QRICH2: variants seen among roughly 807,000 people sequenced by gnomAD.
QRICH2 encodes the protein glutamine rich 2, also known as glutamine-rich protein 2.
QRICH2 carries 119 observed loss-of-function variants against 168.3 expected under a neutral mutation model. That is an observed-to-expected ratio of 0.71 (90% CI 0.61 to 0.82). The LOEUF is 0.82. QRICH2 is among the 40% of genes least tolerant of loss of function. The pLI is 0.00. For synonymous variants in QRICH2, 894 were observed against 951.2 expected, an observed-to-expected ratio of 0.94 and a Z score of 1.11; for missense variants, 2,241 against 2,491.6, an observed-to-expected ratio of 0.90 and a Z score of 2.14.
At chr17:76,279,303 T>G (rs916847456) in intron 13 of QRICH2, 60 bp downstream of exon 13, 1 of 1,452,692 alleles carries the variant, frequency 6.9e-7, no homozygotes, top group Non-Finnish European at 9.6e-7. Context: ...TGGACACAGG[T>G]GAAGGGAGGA....
chr17:76,279,230 G>A (rs997786152), intron 13 of QRICH2, 88 bp from the exon 14 acceptor site: 19 of 1,346,882 alleles, frequency 1.4e-5, no homozygotes, highest in South Asian at 7.6e-5. Context: ...CTTCCCACCC[G>A]CCCCCGGCCT....
At position 76,280,348 on chromosome 17, in the gene QRICH2, C is replaced by G; in HGVS notation, c.4565G>C (p.Ser1522Thr). The G allele has an allele frequency of 6.2e-7, 1 of 1,614,224 alleles. No homozygotes were observed. The highest frequency in any genetic ancestry group is 2.2e-5 in the East Asian group (1 of 44,884). ...HMMQELVAKM[S>T]GQEQDWQKML... ...CTTCTGCCAGTCCTGCTCCTGCCCG[C>G]TCATCTTGGCCACCAGCTCCTGCAT... Residue 1522 changes from serine to threonine, a missense_variant, in exon 11 of 19, where the codon AGC becomes ACC. By Grantham distance (58) the Ser-to-Thr change is moderately conservative (BLOSUM62 1). Around this residue, in one of 3 missense-constraint regions of QRICH2, gnomAD observed 2,047 missense variants for 2,303.8 expected, o/e 0.89. Coordinates refer to ENST00000680821, the MANE Select transcript of QRICH2 (RefSeq NM_001388453.1). The surrounding 1 kb of genome is among the most constrained non-coding windows in gnomAD (Gnocchi z 7.4).
rs2070919882 is a variant in QRICH2 at position 76,287,906 on chromosome 17, C to T, written c.3799-9G>A. 1 of 1,611,188 alleles carries T rather than the reference C, an allele frequency of 6.2e-7. No homozygotes were observed. The highest frequency in any genetic ancestry group is 1.7e-5 in the Admixed American group (1 of 60,000). On this transcript the variant is annotated splice_polypyrimidine_tract_variant and intron_variant, in intron 5 of 18. Transcript: ENST00000680821. ...CTCTGCAGCCTTTCCACCTACAAAC[C>T]CAGTGAATGAGGAGGGTCAGGCAGG...
Position 76,291,261 on chromosome 17 carries a change from T to A in QRICH2, c.3466A>T (p.Arg1156Trp). 6.2e-7 allele frequency: 1 copy of A among 1,614,220 alleles called. No homozygotes were observed. The highest frequency in any genetic ancestry group is 1.3e-5 in the African/African-American group (1 of 75,058). ...ACTCGGTCGACGGAGTCTGGACTCC[T>A]GAAAAGAGTGACATCTTGGCCTGGG... ...KAPGQDVTLFRSPDSVDRVLS... is the reference protein window; with the variant it reads ...KAPGQDVTLFWSPDSVDRVLS... The change falls in exon 4 of 19, where the codon AGG becomes TGG. Residue 1156 changes from arginine to tryptophan, a missense_variant. Arg to Trp is a moderately radical substitution (Grantham distance 101). This residue lies in a region of QRICH2 where 2,047 missense variants were observed against 2,303.8 expected (regional missense o/e 0.89). Coordinates refer to ENST00000680821, the MANE Select transcript of QRICH2 (RefSeq NM_001388453.1).
In QRICH2 at chr17:76,292,918, A is replaced by G. The variant is rs773528999; in HGVS notation, c.1809T>C (p.Pro603=). 1 of 1,612,066 alleles carries G rather than the reference A, an allele frequency of 6.2e-7. No homozygotes were observed. Among genetic ancestry groups the G allele is most frequent in the South Asian group, 1.1e-5 (1 of 91,044 alleles). The change falls in exon 4 of 19, where the codon CCT becomes CCC. Residue 603 remains proline (P), a synonymous_variant. Coordinates refer to ENST00000680821, the MANE Select transcript of QRICH2 (RefSeq NM_001388453.1). ...PGADQRGLVR[P]GMDQSGLAQP... ...GGGCCAAACCAGACTGATCCATTCCAGGCCGGACCAAACCACGCTGATCTG... is the reference window on the plus strand; with the variant it reads ...GGGCCAAACCAGACTGATCCATTCCGGGCCGGACCAAACCACGCTGATCTG...
At chr17:76,302,656 C>A (rs1486992745) in intron 3 of QRICH2, among the ~76,000 whole-genome samples, 5 of 152,144 alleles carry the variant, frequency 3.3e-5, no homozygotes, top group Admixed American at 3.3e-4. Flanking sequence ...ATTCTCCCCC[C>A]AGAGCTGCCA....
intron 15 of QRICH2, 127 bp downstream of exon 15, chr17:76,277,858 TTCTC>T (rs1000334016): frequency 1.4e-4 from 136 of 979,672 alleles, no homozygotes; most frequent in South Asian, 9.4e-4. Context: ...CGCCCACACT[TTCTC>T]TCACACACAC....
At chr17:76,295,997 G>C (rs2070787244) in intron 3 of QRICH2, among the ~76,000 whole-genome samples, 1 of 152,112 alleles carries the variant, frequency 6.6e-6, no homozygotes, top group Non-Finnish European at 1.5e-5. Context: ...GTCCGATGTG[G>C]GTGGATCATG....
intron 17 of QRICH2, 139 bp downstream of exon 17, chr17:76,276,541 A>G: frequency 1.6e-6 from 1 of 629,654 alleles, no homozygotes; most frequent in Non-Finnish European, 2.8e-6. Context: ...TTTTCGAGAG[A>G]CCTGCACATT....
At chr17:76,295,275 A>C (rs2070777894) in intron 3 of QRICH2, among the ~76,000 whole-genome samples, 1 of 151,874 alleles carries the variant, frequency 6.6e-6, no homozygotes, top group African/African-American at 2.4e-5. Flanking sequence ...TAAATAAATA[A>C]AATAAAATAA....
chr17:76,308,039 C>A lies in QRICH2; in HGVS notation c.-41G>T. 1 of 1,231,466 alleles carries A rather than the reference C, an allele frequency of 8.1e-7. No individual in the cohort carries two copies. The highest frequency in any genetic ancestry group is 4.1e-5 in the South Asian group (1 of 24,366). 76.3% of individuals were successfully genotyped at this position (1,231,466 alleles called of 1,614,324 possible). ...CTGTGCGCCGCCGCGGGGCGCCGGC[C>A]AACCACTTCCCGCTCACTGCACGCC... On this transcript the variant is annotated 5_prime_UTR_variant, in exon 1 of 19. Coordinates refer to ENST00000680821, the MANE Select transcript of QRICH2 (RefSeq NM_001388453.1).
intron 6 of QRICH2, among the ~76,000 whole-genome samples, chr17:76,287,554 G>A (rs867732842): frequency 9.9e-5 from 15 of 152,124 alleles, no homozygotes; most frequent in Admixed American, 3.9e-4. Flanking sequence ...TTCAGCCTCC[G>A]ACTGGGGACA....
At chr17:76,282,201 G>A (rs2070802673) in intron 7 of QRICH2, 86 bp from the exon 8 acceptor site, 7 of 1,478,504 alleles carry the variant, frequency 4.7e-6, no homozygotes, top group African/African-American at 2.8e-5. Context: ...CCTAGCCTGT[G>A]TGCCTCTCCC....
intron 3 of QRICH2, among the ~76,000 whole-genome samples, chr17:76,303,270 T>C (rs2070934583): frequency 6.6e-6 from 1 of 152,108 alleles, no homozygotes; most frequent in Non-Finnish European, 1.5e-5. Context: ...AGGTTGTTTT[T>C]TGTACCCAGA....
At position 76,307,564 on chromosome 17, in the gene QRICH2, T is replaced by C. The variant is rs1282674327; in HGVS notation, c.435A>G (p.Leu145=). Residue 145 remains leucine (L), a synonymous_variant, in exon 1 of 19, where the codon CTA becomes CTG. Coordinates refer to ENST00000680821, the MANE Select transcript of QRICH2 (RefSeq NM_001388453.1). The surrounding 1 kb of genome is among the most constrained non-coding windows in gnomAD (Gnocchi z 5.3). The stretch of plus-strand genomic sequence containing the variant: ...CCACCTCCTGCTCCTCCGGCCACTC[T>C]AGCGCGGCCAGGTCAAGCCCGCTGG... The part of the protein sequence containing the change: ...SQASGLDLAA[L]EWPEEQEVGV... The C allele has an allele frequency of 1.3e-6, 2 of 1,580,046 alleles. No homozygotes were observed. Among genetic ancestry groups the C allele is most frequent in the Non-Finnish European group, 1.7e-6 (2 of 1,162,940 alleles).
chr17:76,285,045 C>T (rs1401229645), intron 7 of QRICH2, among the ~76,000 whole-genome samples: 1 of 151,510 alleles, frequency 6.6e-6, no homozygotes, highest in African/African-American at 2.4e-5. Flanking sequence ...ACCTCCGCCT[C>T]CCAGGTTCAA....
intron 18 of QRICH2, among the ~76,000 whole-genome samples, chr17:76,275,477 C>T (rs1011085312): frequency 6.6e-6 from 1 of 152,216 alleles, no homozygotes; most frequent in African/African-American, 2.4e-5. Flanking sequence ...CCGGGCATGG[C>T]CTGTGCCCAG....
Position 76,304,403 on chromosome 17 carries a change from C to T in QRICH2, c.705+12G>A. On this transcript the variant is annotated intron_variant, in intron 3 of 18. Coordinates refer to ENST00000680821, the MANE Select transcript of QRICH2 (RefSeq NM_001388453.1). ...CCACCCAAGACCACGGCCCAGGCCCCCACTGGTTCACCGCTTGTGAGGCTC... is the reference window on the plus strand; with the variant it reads ...CCACCCAAGACCACGGCCCAGGCCCTCACTGGTTCACCGCTTGTGAGGCTC... 6.3e-6 allele frequency: 10 copies of T among 1,593,202 alleles called. No homozygotes were observed. The highest frequency in any genetic ancestry group is 2.2e-5 in the South Asian group (2 of 90,332).
chr17:76,291,024 C>T lies in QRICH2; in HGVS notation c.3703G>A (p.Ala1235Thr), dbSNP rs1314959077. ...TDLEKIQFLL[A>T]QMVKRTIPPE... ...GGCAAGCGGCACCCACCCATCTGTG[C>T]CAGCAGGAACTGGATCTTCTCCAAG... Residue 1235 changes from alanine to threonine, a missense_variant, in exon 4 of 19, where the codon GCA becomes ACA. Around this residue, in one of 3 missense-constraint regions of QRICH2, gnomAD observed 2,047 missense variants for 2,303.8 expected, o/e 0.89. Transcript: ENST00000680821. 2 of 1,611,530 alleles carry T rather than the reference C, an allele frequency of 1.2e-6. No homozygotes were observed. Among genetic ancestry groups the T allele is most frequent in the Non-Finnish European group, 1.7e-6 (2 of 1,177,934 alleles).
Sources: allele counts gnomAD v4.1 joint callset (sites outside exome capture counted in the v4.1 genomes callset), GRCh38; gene constraint gnomAD v4.1.1; regional missense constraint gnomAD v4.1.1; non-coding constraint Gnocchi (gnomAD v3.1); transcripts MANE v1.5; gene names NCBI Gene and HGNC (gene_info 2026-07-23, HGNC 2026-07-21).